Variants in PPP6R2 observed in about 807,000 individuals in gnomAD.
PPP6R2 encodes protein phosphatase 6 regulatory subunit 2, also known as serine/threonine-protein phosphatase 6 regulatory subunit 2.
A neutral mutation model predicts 100.2 loss-of-function variants in PPP6R2; 62 were observed. The ratio of observed to expected loss-of-function variants is 0.62; its 90% CI spans 0.50 to 0.76. PPP6R2 has a LOEUF of 0.76. Ranked by LOEUF, PPP6R2 falls within the 30% of genes least tolerant of loss-of-function variation. The probability of loss-of-function intolerance (pLI) is 0.00; values close to 1 mark genes in which losing one functional copy is unlikely to be tolerated. For missense variants in PPP6R2, 1,142 were observed against 1,276.3 expected (o/e 0.89, Z 1.60); for synonymous variants, 525 against 514.7 (o/e 1.02, Z -0.27).
the PPP6R2 span, among the ~76,000 whole-genome samples, chr22:50,333,033 G>A: frequency 6.6e-6 from 1 of 152,036 alleles, no homozygotes; most frequent in Admixed American, 6.6e-5. Context: ...CAGCTACTTG[G>A]GAGGCTGAAG....
intron 2 of PPP6R2, among the ~76,000 whole-genome samples, chr22:50,373,689 C>T (rs1569323645): frequency 6.6e-6 from 1 of 151,982 alleles, no homozygotes; most frequent in Admixed American, 6.6e-5. Flanking sequence ...GTAGCTGGGA[C>T]TATAGGAATG....
intron 3 of PPP6R2, among the ~76,000 whole-genome samples, chr22:50,401,215 AT>A (rs974180008): frequency 7.4e-5 from 11 of 148,406 alleles, no homozygotes; most frequent in African/African-American, 2.2e-4. Flanking sequence ...TTAAAATTTT[AT>A]TTTTTTTTTG....
At position 50,375,832 on chromosome 22, in the gene PPP6R2, ATT is replaced by A. The variant is rs557118142; in HGVS notation, c.-17+3707_-17+3708del. ...CCTAAGATACAAAGAATCCCTGCAG[ATT>A]TTTTTTTTTTTTTTTTTTTTTTTTG... On this transcript the variant is annotated intron_variant, in intron 2 of 23. Coordinates refer to ENST00000612753, the MANE Select transcript of PPP6R2 (RefSeq NM_001242898.2). Among the ~76,000 whole-genome samples, 105 of 64,544 alleles carry A rather than the reference ATT, an allele frequency of 1.6e-3. 2 individuals are homozygous for A. The highest frequency in any genetic ancestry group is 0.011 in the Middle Eastern group (1 of 92). 42.3% of individuals were successfully genotyped at this position (64,544 alleles called of 152,430 possible). A position where few individuals can be genotyped will look rare whatever the true frequency, so the allele number is the denominator to read the frequency against.
At chr22:50,382,275 A>G (rs2053237156) in intron 2 of PPP6R2, among the ~76,000 whole-genome samples, 1 of 152,198 alleles carries the variant, frequency 6.6e-6, no homozygotes, top group South Asian at 2.1e-4. Context: ...AAACAGCTTT[A>G]AAGTCAATAA....
chr22:50,340,224 GTATGGTATGTGGTGT>G (rs2042357007), upstream of PPP6R2, among the ~76,000 whole-genome samples: 1 of 92,800 alleles, frequency 1.1e-5, no homozygotes, highest in Non-Finnish European at 2.6e-5. Flanking sequence ...TATGTGGTGT[GTATGGTATGTGGTGT>G]GTGTGGTGTG....
chr22:50,440,764 G>A, intron 21 of PPP6R2, 58 bp from the exon 22 acceptor site: 1 of 1,584,090 alleles, frequency 6.3e-7, no homozygotes, highest in Non-Finnish European at 8.6e-7. Flanking sequence ...TGGCTGGAGT[G>A]GCCGCACCCT....
At chr22:50,343,848 G>A (rs1601883094) in intron 1 of PPP6R2, among the ~76,000 whole-genome samples, 1 of 14,232 alleles carries the variant, frequency 7.0e-5, no homozygotes, top group Admixed American at 9.2e-4. Context: ...TTTCCCCCCA[G>A]TCAGTTTCCC....
intron 3 of PPP6R2, among the ~76,000 whole-genome samples, chr22:50,402,348 C>T (rs527273810): frequency 8.3e-4 from 110 of 132,892 alleles, no homozygotes; most frequent in African/African-American, 2.7e-3. Flanking sequence ...TTTTTTTTTA[C>T]CAAGTTCCCT....
At chr22:50,441,055 G>T in intron 22 of PPP6R2, 29 bp downstream of exon 22, 1 of 1,500,348 alleles carries the variant, frequency 6.7e-7, no homozygotes, top group South Asian at 1.2e-5. Flanking sequence ...GGGCGGGCCT[G>T]CCGGGTGCAT....
chr22:50,413,845 T>C (rs2060108894), intron 4 of PPP6R2, among the ~76,000 whole-genome samples: 1 of 152,132 alleles, frequency 6.6e-6, no homozygotes, highest in African/African-American at 2.4e-5. Context: ...CCCAGTAGCC[T>C]GGACATAGCA....
rs1225878624 is a variant in PPP6R2, at chr22:50,349,363, C to CAAA, written c.-148+5832_-148+5834dup. Among the ~76,000 whole-genome samples, 269 of 56,244 alleles carry CAAA rather than the reference C, an allele frequency of 4.8e-3. 3 individuals carry two copies. The highest frequency in any genetic ancestry group is 6.7e-3 in the Non-Finnish European group (184 of 27,652). The allele number at this position is 56,244 out of a possible 152,430, so 36.9% of individuals were successfully genotyped here. On this transcript the variant is annotated intron_variant, in intron 1 of 23. Transcript: ENST00000612753. Reference sequence around the variant, plus strand: ...TGGGCGACAGCGTGAGACCCTGTCTCAAAAAAAAAAAAAAAAAAAAACGGG... The same window carrying CAAA: ...TGGGCGACAGCGTGAGACCCTGTCTCAAAAAAAAAAAAAAAAAAAAAAAACGGG...
chr22:50,373,736 A>G (rs1309952618), intron 2 of PPP6R2, among the ~76,000 whole-genome samples: 1 of 148,980 alleles, frequency 6.7e-6, no homozygotes, highest in Non-Finnish European at 1.5e-5. Flanking sequence ...ATATATTTTT[A>G]TGTGTTTTTT....
chr22:50,444,617 A>T lies in PPP6R2; in HGVS notation c.*370A>T. The T allele has an allele frequency of 5.3e-6, 1 of 187,334 alleles. No homozygotes were observed. Among genetic ancestry groups the T allele is most frequent in the Non-Finnish European group, 9.2e-6 (1 of 108,894 alleles). 11.6% of individuals were successfully genotyped at this position (187,334 alleles called of 1,614,324 possible). A position where few individuals can be genotyped will look rare whatever the true frequency, so the allele number is the denominator to read the frequency against. ...GCGTGGACATGGAGGCTGTTTTTACAGTTTTTTTTTTGTTGTTGTTTTGTT... is the reference window on the plus strand; with the variant it reads ...GCGTGGACATGGAGGCTGTTTTTACTGTTTTTTTTTTGTTGTTGTTTTGTT... On this transcript the variant is annotated 3_prime_UTR_variant, in exon 24 of 24. Transcript: ENST00000612753.
At chr22:50,410,034 G>GT (rs2059523651) in intron 4 of PPP6R2, among the ~76,000 whole-genome samples, 1 of 151,844 alleles carries the variant, frequency 6.6e-6, no homozygotes, top group Non-Finnish European at 1.5e-5. Flanking sequence ...GGCCTATTTT[G>GT]TTTTTTGTTT....
upstream of PPP6R2, among the ~76,000 whole-genome samples, chr22:50,342,923 G>C (rs1051222247): frequency 2.6e-5 from 4 of 152,170 alleles, no homozygotes; most frequent in African/African-American, 4.8e-5. Flanking sequence ...GCCTCTGGGA[G>C]GGGCCTGTGG....
intron 2 of PPP6R2, among the ~76,000 whole-genome samples, chr22:50,384,052 A>AG (rs1762605592): frequency 6.6e-6 from 1 of 151,646 alleles, no homozygotes; most frequent in South Asian, 2.1e-4. Flanking sequence ...AAAAAAAAAA[A>AG]AAGAAGGATG....
intron 3 of PPP6R2, among the ~76,000 whole-genome samples, chr22:50,405,174 G>C (rs1264883527): frequency 2.6e-5 from 4 of 152,242 alleles, no homozygotes; most frequent in Admixed American, 2.6e-4. Flanking sequence ...GAAAGGAGAG[G>C]CTCAGTGGAG....
chr22:50,361,080 C>G (rs957497636), intron 1 of PPP6R2, among the ~76,000 whole-genome samples: 2 of 152,218 alleles, frequency 1.3e-5, no homozygotes, highest in Non-Finnish European at 2.9e-5. Flanking sequence ...CCCACCATCT[C>G]TAAGCCTGTG....
intron 22 of PPP6R2, among the ~76,000 whole-genome samples, chr22:50,442,650 C>T (rs568053742): frequency 7.9e-5 from 12 of 152,200 alleles, no homozygotes; most frequent in African/African-American, 2.6e-4. Context: ...CCCGGGTTCA[C>T]GCCATTCTCC....
Sources: allele counts gnomAD v4.1 joint callset (sites outside exome capture counted in the v4.1 genomes callset), GRCh38; gene constraint gnomAD v4.1.1; transcripts MANE v1.5; gene names NCBI Gene and HGNC (gene_info 2026-07-23, HGNC 2026-07-21).